KRT16: variants seen among roughly 807,000 people sequenced by gnomAD.
KRT16 encodes keratin 16.
Under a neutral mutation model 44.8 loss-of-function variants are expected in KRT16, and 42 were observed. The ratio of observed to expected loss-of-function variants is 0.94; its 90% CI spans 0.73 to 1.21. The LOEUF is 1.21. KRT16 is among the 50% of genes most tolerant of loss of function. The probability of loss-of-function intolerance (pLI) is 0.00; values close to 1 mark genes in which losing one functional copy is unlikely to be tolerated. For synonymous variants in KRT16, 226 were observed against 260.4 expected (o/e 0.87, Z 1.27); for missense variants, 561 against 626.9 (o/e 0.89, Z 1.12).
In KRT16 at chr17:41,612,683, G is replaced by A. The variant is rs764525659; in HGVS notation, c.6C>T (p.Thr2=). The A allele has an allele frequency of 1.3e-6, 2 of 1,594,830 alleles. No individual in the cohort carries two copies. Among genetic ancestry groups the A allele is most frequent in the Non-Finnish European group, 1.7e-6 (2 of 1,172,354 alleles). Residue 2 remains threonine (T), a synonymous_variant, in exon 1 of 8, where the codon ACC becomes ACT. Coordinates refer to ENST00000301653, the MANE Select transcript of KRT16 (RefSeq NM_005557.4). M[T]TCSRQFTSSS... Reference sequence around the variant, plus strand: ...AGGAGGTGAACTGGCGGCTGCAGGTGGTCATGGTGCCAAGGAGGGAGGTGA... The same window carrying A: ...AGGAGGTGAACTGGCGGCTGCAGGTAGTCATGGTGCCAAGGAGGGAGGTGA...
intron 6 of KRT16, 33 bp downstream of exon 6, chr17:41,610,298 C>T (rs1407440730): frequency 6.2e-7 from 1 of 1,613,618 alleles, no homozygotes; most frequent in South Asian, 1.1e-5. Flanking sequence ...GCTAAAGGGT[C>T]TGGGAGGCAG....
At position 41,610,158 on chromosome 17, in the gene KRT16, G is replaced by A. The variant is rs374761160; in HGVS notation, c.1327+32C>T. On this transcript the variant is annotated intron_variant, in intron 7 of 7. Coordinates refer to ENST00000301653, the MANE Select transcript of KRT16 (RefSeq NM_005557.4). ...CCACTCCATGGAAACAGGCAGAGGG[G>A]CTGCAGTGCCGGGGAGCCTCAGAAG... 2.7e-4 allele frequency: 429 copies of A among 1,612,868 alleles called. 1 individual carries two copies. The East Asian group carries it at 5.9e-3, about 22-fold the overall frequency.
rs897338193 is a variant in KRT16, at chr17:41,610,731, G to A, written c.1059+123C>T. 88 of 1,516,702 alleles carry A rather than the reference G, an allele frequency of 5.8e-5. 1 individual carries two copies. Among genetic ancestry groups the A allele is most frequent in the Non-Finnish European group, 7.6e-5 (83 of 1,098,280 alleles). The allele number at this position is 1,516,702 out of a possible 1,614,324, so 94.0% of individuals were successfully genotyped here. On this transcript the variant is annotated intron_variant, in intron 5 of 7. Coordinates refer to ENST00000301653, the MANE Select transcript of KRT16 (RefSeq NM_005557.4). ...GGCTTAGTTTCTCTATCTATATAAC[G>A]GTCCCATGAGTCCCCTGGTCCCATC...
chr17:41,610,161 G>A, intron 7 of KRT16, 29 bp downstream of exon 7: 1 of 1,613,020 alleles, frequency 6.2e-7, no homozygotes, highest in Non-Finnish European at 8.5e-7. Flanking sequence ...CAGAGGGGCT[G>A]CAGTGCCGGG....
intron 4 of KRT16, 41 bp downstream of exon 4, chr17:41,611,028 G>C (rs7350939): frequency 7.4e-6 from 12 of 1,613,896 alleles, no homozygotes; most frequent in South Asian, 2.2e-5. Flanking sequence ...AAAGCCCCCA[G>C]CTGGGAAGTG....
At chr17:41,612,051 A>T in intron 1 of KRT16, 107 bp downstream of exon 1, 1 of 1,376,186 alleles carries the variant, frequency 7.3e-7, no homozygotes, top group Non-Finnish European at 1.0e-6. Context: ...CACTCCCCAA[A>T]GGTGCCCAGT....
At chr17:41,611,994 A>G in intron 1 of KRT16, 164 bp downstream of exon 1, 1 of 933,590 alleles carries the variant, frequency 1.1e-6, no homozygotes, top group Non-Finnish European at 1.7e-6. Context: ...GGGCACAGAG[A>G]TACTGAAAAG....
At chr17:41,610,142 G>A (rs768135950) in intron 7 of KRT16, 48 bp downstream of exon 7, 18 of 1,609,696 alleles carry the variant, frequency 1.1e-5, no homozygotes, top group Middle Eastern at 1.7e-4. Flanking sequence ...CCCACTCCAT[G>A]GAAACAGGCA....
At chr17:41,611,259 T>C (rs1332424216) in intron 3 of KRT16, 29 bp from the exon 4 acceptor site, 1 of 1,613,820 alleles carries the variant, frequency 6.2e-7, no homozygotes, top group Non-Finnish European at 8.5e-7. Context: ...AGGCGGTCAG[T>C]TCAGCAGACT....
At chr17:41,611,831 G>A in intron 1 of KRT16, 110 bp from the exon 2 acceptor site, 1 of 1,016,940 alleles carries the variant, frequency 9.8e-7, no homozygotes, top group Non-Finnish European at 1.5e-6. Flanking sequence ...AAGTCTTCTG[G>A]CTGGCAGGGC....
rs368180635 is a variant in KRT16 at position 41,611,443 on chromosome 17, G to A, written c.673C>T (p.Arg225Trp). 1.5e-5 allele frequency: 25 copies of A among 1,614,050 alleles called. No homozygotes were observed. Among genetic ancestry groups the A allele is most frequent in the East Asian group, 2.2e-5 (1 of 44,896 alleles). ...GCCAGGGTCAGCTCATCCAACACCC[G>A]GCGCAGGCCATTGACGTCGGCCTCC... ...TVEADVNGLRRVLDELTLART... is the reference protein window; with the variant it reads ...TVEADVNGLRWVLDELTLART... The change falls in exon 3 of 8, where the codon CGG (arginine) becomes TGG (tryptophan). Residue 225 changes from arginine (R) to tryptophan (W), a missense_variant. Arg to Trp is a moderately radical substitution (Grantham distance 101, BLOSUM62 -3). Transcript: ENST00000301653.
Position 41,611,511 on chromosome 17 carries a change from C to G in KRT16, c.615-10G>C. 1.2e-6 allele frequency: 2 copies of G among 1,613,330 alleles called. No homozygotes were observed. The highest frequency in any genetic ancestry group is 1.7e-6 in the Non-Finnish European group (2 of 1,179,968). On this transcript the variant is annotated splice_polypyrimidine_tract_variant and intron_variant, in intron 2 of 7. Coordinates refer to ENST00000301653, the MANE Select transcript of KRT16 (RefSeq NM_005557.4). The stretch of plus-strand genomic sequence containing the variant: ...CAGTTCATGCTCATACCTGGCAGGA[C>G]AGAGGTCAGGTCCTCAGGCTGCAGC...
In KRT16 at chr17:41,611,337, G is replaced by A. The variant is rs754948306; in HGVS notation, c.771+8C>T. ...GCCTCCCACCCCGGAAGCCAGCAGC[G>A]ACCGTACCTCCTCGTGGTTCTTCCT... On this transcript the variant is annotated splice_region_variant and intron_variant, in intron 3 of 7. Coordinates refer to ENST00000301653, the MANE Select transcript of KRT16 (RefSeq NM_005557.4). The A allele has an allele frequency of 1.0e-4, 165 of 1,613,952 alleles. No individual in the cohort carries two copies. Among genetic ancestry groups the A allele is most frequent in the Non-Finnish European group, 1.3e-4 (149 of 1,179,982 alleles).
Position 41,611,470 on chromosome 17 carries a change from C to T in KRT16, c.646G>A (p.Val216Met). The T allele has an allele frequency of 6.2e-7, 1 of 1,614,068 alleles. No individual in the cohort carries two copies. Among genetic ancestry groups the T allele is most frequent in the South Asian group, 1.1e-5 (1 of 91,078 alleles). Residue 216 changes from valine to methionine, a missense_variant, in exon 3 of 8, where the codon GTG becomes ATG. Physicochemically the swap from Val to Met is conservative, Grantham distance 21. Transcript: ENST00000301653. ...CGCAGGCCATTGACGTCGGCCTCCA[C>T]AGTCTGCCGCAGGGCCAGTTCATGC... ...YEHELALRQT[V>M]EADVNGLRRV...
chr17:41,610,288 G>A (rs1908140566), intron 6 of KRT16, 43 bp downstream of exon 6: 1 of 1,613,502 alleles, frequency 6.2e-7, no homozygotes, highest in Non-Finnish European at 8.5e-7. Context: ...CAGCAGGGGG[G>A]CTAAAGGGTC....
In KRT16 at chr17:41,611,365, G is replaced by A; in HGVS notation, c.751C>T (p.Leu251=). 1.2e-6 allele frequency: 2 copies of A among 1,614,176 alleles called. No individual in the cohort carries two copies. Among genetic ancestry groups the A allele is most frequent in the Non-Finnish European group, 1.7e-6 (2 of 1,180,008 alleles). Reference sequence around the variant, plus strand: ...CGTACCTCCTCGTGGTTCTTCCTCAGGTAGGCCAGCTCCTCCTTCAGGCCT... The same window carrying A: ...CGTACCTCCTCGTGGTTCTTCCTCAAGTAGGCCAGCTCCTCCTTCAGGCCT... ...IEGLKEELAY[L]RKNHEEEMLA... is the part of the protein sequence containing the mutation. The change falls in exon 3 of 8, where the codon CTG becomes TTG. Residue 251 remains leucine, a synonymous_variant. Coordinates refer to ENST00000301653, the MANE Select transcript of KRT16 (RefSeq NM_005557.4).
Position 41,610,030 on chromosome 17 carries a change from C to T in KRT16, c.1328-1G>A, listed in dbSNP as rs1265840224. On this transcript the variant is annotated splice_acceptor_variant, in intron 7 of 7. Coordinates refer to ENST00000301653, the MANE Select transcript of KRT16 (RefSeq NM_005557.4). LOFTEE classifies it high-confidence loss of function. Reference sequence around the variant, plus strand: ...GAAGAGGACGAGGAGGAGGTGAAGACTGTGGGAGAGAGAAGAGGAGGTGAG... The same window carrying T: ...GAAGAGGACGAGGAGGAGGTGAAGATTGTGGGAGAGAGAAGAGGAGGTGAG... 5 of 1,607,014 alleles carry T rather than the reference C, an allele frequency of 3.1e-6. No individual in the cohort carries two copies. The highest frequency in any genetic ancestry group is 1.3e-5 in the African/African-American group (1 of 74,688).
Position 41,610,007 on chromosome 17 carries a change from A to C in KRT16, c.1350T>G (p.Ser450=). 6.2e-7 allele frequency: 1 copy of C among 1,611,838 alleles called. No individual in the cohort carries two copies. Among genetic ancestry groups the C allele is most frequent in the Non-Finnish European group, 8.5e-7 (1 of 1,179,712 alleles). The stretch of plus-strand genomic sequence containing the variant: ...GGATGGGCCGGGTCTGACGGCTCGA[A>C]GAGGACGAGGAGGAGGTGAAGACTG... ...SREVFTSSSS[S]SSRQTRPILK... Residue 450 remains serine (S), a synonymous_variant, in exon 8 of 8, where the codon TCT becomes TCG. Transcript: ENST00000301653.
Position 41,610,138 on chromosome 17 carries a change from C to A in KRT16, c.1327+52G>T, listed in dbSNP as rs544761071. 101 of 1,609,024 alleles carry A rather than the reference C, an allele frequency of 6.3e-5. No individual in the cohort carries two copies. In the South Asian group the frequency reaches 1.0e-3, roughly 16 times the overall value. ...TGAGGAGAAGGGCCCAGCCCCCACTCCATGGAAACAGGCAGAGGGGCTGCA... is the reference window on the plus strand; with the variant it reads ...TGAGGAGAAGGGCCCAGCCCCCACTACATGGAAACAGGCAGAGGGGCTGCA... On this transcript the variant is annotated intron_variant, in intron 7 of 7. Coordinates refer to ENST00000301653, the MANE Select transcript of KRT16 (RefSeq NM_005557.4).
Sources: gnomAD v4.1 joint callset for allele counts on GRCh38, gnomAD v4.1.1 for gene constraint, MANE v1.5 for transcripts, NCBI Gene and HGNC (gene_info 2026-07-23, HGNC 2026-07-21) for gene names.